RPL31: variants seen among roughly 807,000 people sequenced by gnomAD.
RPL31 encodes large ribosomal subunit protein eL31.
For missense variants in RPL31, 95 were observed against 164.0 expected (o/e 0.58, Z 2.30); for synonymous variants, 51 against 55.0 (o/e 0.93, Z 0.32).
At chr2:101,008,216 C>T (rs960904695), downstream of RPL31, 1 of 1,602,166 alleles carries the variant, frequency 6.2e-7, no homozygotes, top group Non-Finnish European at 8.5e-7. Flanking sequence ...AAATCATTTT[C>T]TTCTGGATCT....
At chr2:101,003,308 C>T (rs1203934276) in intron 2 of RPL31, among the ~76,000 whole-genome samples, 1 of 151,982 alleles carries the variant, frequency 6.6e-6, no homozygotes, top group Non-Finnish European at 1.5e-5. Flanking sequence ...TCACCCTGGC[C>T]ATCTGTTTTG....
At chr2:101,014,239 T>A (rs2105365211) in intron 4 of RPL31, among the ~76,000 whole-genome samples, 1 of 152,228 alleles carries the variant, frequency 6.6e-6, no homozygotes, top group South Asian at 2.1e-4. Context: ...TGTTTCCATA[T>A]TTTTCAAAAT....
chr2:101,017,845 C>G, intron 4 of RPL31: 2 of 1,550,556 alleles, frequency 1.3e-6, no homozygotes, highest in Non-Finnish European at 1.7e-6. Context: ...CAGCTACATG[C>G]AATTCCCAAT....
At chr2:101,007,961 C>T (rs1422400118), downstream of RPL31, 3 of 1,613,884 alleles carry the variant, frequency 1.9e-6, no homozygotes, top group Non-Finnish European at 2.5e-6. Context: ...AATGACTGTT[C>T]AGTCAGAAGT....
downstream of RPL31, among the ~76,000 whole-genome samples, chr2:101,009,637 C>T (rs1679038933): frequency 6.6e-6 from 1 of 151,894 alleles, no homozygotes; most frequent in South Asian, 2.1e-4. Flanking sequence ...GTAGAATGAG[C>T]ATCTGAGAGC....
downstream of RPL31, among the ~76,000 whole-genome samples, chr2:101,009,923 G>A (rs1465151406): frequency 6.6e-6 from 1 of 150,912 alleles, no homozygotes; most frequent in Non-Finnish European, 1.5e-5. Context: ...CCGGGTTCAT[G>A]CCATTCTCCT....
Position 101,006,514 on chromosome 2 carries a change from C to T in RPL31, c.*133C>T. 1.2e-6 allele frequency: 1 copy of T among 820,526 alleles called. No individual in the cohort carries two copies. The highest frequency in any genetic ancestry group is 1.8e-6 in the Non-Finnish European group (1 of 544,664). 50.8% of individuals were successfully genotyped at this position (820,526 alleles called of 1,614,324 possible). ...TGAAGAGCTTTTCCCAAATTGATGGCCTGTGCTGCCTTCTCCCCATCCCCT... is the reference window on the plus strand; with the variant it reads ...TGAAGAGCTTTTCCCAAATTGATGGTCTGTGCTGCCTTCTCCCCATCCCCT... On this transcript the variant is annotated 3_prime_UTR_variant, in exon 5 of 5. Transcript: ENST00000264258.
chr2:101,015,230 A>G (rs72976857), intron 4 of RPL31, among the ~76,000 whole-genome samples: 2 of 152,158 alleles, frequency 1.3e-5, no homozygotes, highest in Non-Finnish European at 2.9e-5. Context: ...TGCTATAAAA[A>G]TATGGTATAA....
rs115327973 is a variant in RPL31 at position 101,017,192 on chromosome 2, A to G, written c.347-1806A>G. ...TCCCAACTGAAGGTCTTCATGGGCA[A>G]TAACACACACAAAGCTGTCCTCTCC... On this transcript the variant is annotated intron_variant, in intron 4 of 4. Transcript: ENST00000409028. Among the ~76,000 whole-genome samples, 162 of 152,214 alleles carry G rather than the reference A, an allele frequency of 1.1e-3. 1 individual carries two copies. The highest frequency in any genetic ancestry group is 3.7e-3 in the African/African-American group (152 of 41,510).
chr2:101,019,341 AC>A, exon 5 of RPL31: 1 of 255,778 alleles, frequency 3.9e-6, no homozygotes, highest in Admixed American at 5.1e-5. Context: ...TCATTTCGTA[AC>A]TAGTATGTCT....
downstream of RPL31, chr2:101,011,009 GATAATCAACTGC>G: frequency 1.9e-6 from 3 of 1,612,448 alleles, no homozygotes; most frequent in Middle Eastern, 1.6e-4. Context: ...AGCTGTTTCT[GATAATCAACTGC>G]ATCACCTTGA....
At chr2:101,003,858 T>G (rs1678627414) in intron 2 of RPL31, among the ~76,000 whole-genome samples, 1 of 152,186 alleles carries the variant, frequency 6.6e-6, no homozygotes, top group South Asian at 2.1e-4. Context: ...ATTATGCATC[T>G]TCTTGTCCTA....
rs886840906 is a variant in RPL31, at chr2:101,002,926, A to G, written c.107+118A>G. 3.2e-5 allele frequency: 23 copies of G among 728,988 alleles called. No individual in the cohort carries two copies. The African/African-American group carries it at 3.6e-4, about 11-fold the overall frequency. The allele number at this position is 728,988 out of a possible 1,614,324, so 45.2% of individuals were successfully genotyped here. On this transcript the variant is annotated intron_variant, in intron 2 of 4. Transcript: ENST00000264258. ...TCTTGTGGCCTTCCCTGTTTCATTC[A>G]TTGGCAATTTAACAAATCCTGTGGG... is the stretch of plus-strand genomic sequence containing the variant.
At chr2:101,006,261 G>T in intron 4 of RPL31, 89 bp from the exon 5 acceptor site, 1 of 1,550,106 alleles carries the variant, frequency 6.5e-7, no homozygotes, top group Non-Finnish European at 8.7e-7. Flanking sequence ...GTGGAAAATA[G>T]AATGCCCAGA....
chr2:101,018,256 T>C (rs561799659), intron 4 of RPL31: 1 of 215,730 alleles, frequency 4.6e-6, no homozygotes, highest in Non-Finnish European at 9.3e-6. Context: ...TTCCGAAGTT[T>C]AATTTTTGCT....
downstream of RPL31, among the ~76,000 whole-genome samples, chr2:101,010,047 CAA>C (rs1679085874): frequency 6.6e-6 from 1 of 151,914 alleles, no homozygotes; most frequent in Non-Finnish European, 1.5e-5. Flanking sequence ...AGGATGGTCT[CAA>C]TCTTCTGACC....
At chr2:101,011,003 G>A (rs1214752443), downstream of RPL31, 1 of 1,612,658 alleles carries the variant, frequency 6.2e-7, no homozygotes, top group Admixed American at 1.7e-5. Flanking sequence ...TGCTTCAGCT[G>A]TTTCTGATAA....
downstream of RPL31, chr2:101,008,285 A>G (rs764093052): frequency 1.3e-6 from 2 of 1,514,228 alleles, no homozygotes; most frequent in Non-Finnish European, 1.8e-6. Flanking sequence ...TGAAATTGAA[A>G]TAAGTCTTAG....
intron 4 of RPL31, among the ~76,000 whole-genome samples, chr2:101,013,853 T>C (rs1679417779): frequency 6.6e-6 from 1 of 152,182 alleles, no homozygotes; most frequent in Non-Finnish European, 1.5e-5. Context: ...AATAATCCCA[T>C]CTCCACCATG....
Sources: gnomAD v4.1 joint callset for allele counts (sites outside exome capture counted in the v4.1 genomes callset) on GRCh38, gnomAD v4.1.1 for gene constraint, MANE v1.5 for transcripts, NCBI Gene and HGNC (gene_info 2026-07-23, HGNC 2026-07-21) for gene names.